The following PSMA8 variants were observed in gnomAD, a reference collection of about 807,000 sequenced individuals.
PSMA8 encodes proteasome 20S subunit alpha 8.
In PSMA8, 18 loss-of-function variants were observed where a neutral mutation model predicts 32.4. The ratio of observed to expected loss-of-function variants is 0.56; its 90% CI spans 0.38 to 0.82. PSMA8 has a LOEUF of 0.82. Among genes scored for constraint, PSMA8 ranks in the 40% least tolerant of loss-of-function variants. The probability of loss-of-function intolerance (pLI) is 0.00; values close to 1 mark genes in which losing one functional copy is unlikely to be tolerated. For missense variants in PSMA8, 298 were observed against 300.7 expected, an observed-to-expected ratio of 0.99 and a Z score of 0.07; for synonymous variants, 104 against 98.1, an observed-to-expected ratio of 1.06 and a Z score of -0.36.
chr18:26,145,978 T>C (rs1383362022), intron 2 of PSMA8, among the ~76,000 whole-genome samples: 2 of 152,218 alleles, frequency 1.3e-5, no homozygotes, highest in African/African-American at 4.8e-5. Context: ...TAGCAATATA[T>C]GAGTGATTCA....
chr18:26,172,361 T>C (rs1221767292), intron 4 of PSMA8, among the ~76,000 whole-genome samples: 1 of 152,176 alleles, frequency 6.6e-6, no homozygotes, highest in African/African-American at 2.4e-5. Flanking sequence ...AACTTTACCA[T>C]AGTAGCATAA....
At chr18:26,171,303 C>G in intron 4 of PSMA8, 3 of 1,508,272 alleles carry the variant, frequency 2.0e-6, no homozygotes, top group Non-Finnish European at 2.6e-6. Flanking sequence ...AGCGGGAGGA[C>G]CTCCGAGCCC....
chr18:26,163,999 A>G (rs978744102), intron 4 of PSMA8, among the ~76,000 whole-genome samples: 11 of 152,238 alleles, frequency 7.2e-5, no homozygotes, highest in African/African-American at 2.7e-4. Context: ...ATCCCAAGTG[A>G]AAACAGTGTT....
chr18:26,186,248 C>CAAAAAAAAAAAAAAAA, intron 6 of PSMA8, among the ~76,000 whole-genome samples: 1 of 27,828 alleles, frequency 3.6e-5, no homozygotes, highest in Non-Finnish European at 1.1e-4. Flanking sequence ...GACTCTGTCT[C>CAAAAAAAAAAAAAAAA]AAAAAAAAAA....
At chr18:26,154,050 T>C (rs773819714) in intron 3 of PSMA8, among the ~76,000 whole-genome samples, 7 of 152,106 alleles carry the variant, frequency 4.6e-5, no homozygotes, top group Non-Finnish European at 7.4e-5. Context: ...TACCGGCACA[T>C]GCCACCACAC....
In PSMA8 at chr18:26,178,812, T is replaced by TA; in HGVS notation, c.478-16dup. On this transcript the variant is annotated splice_polypyrimidine_tract_variant and intron_variant, in intron 4 of 6. Coordinates refer to ENST00000415576, the MANE Select transcript of PSMA8 (RefSeq NM_001025096.2). The stretch of plus-strand genomic sequence containing the variant: ...TCCTACTGCAATGATATTAATAAAT[T>TA]AACTTTTATTTTTCAAGGCAAATGC... 6.2e-7 allele frequency: 1 copy of TA among 1,600,922 alleles called. No homozygotes were observed. The highest frequency in any genetic ancestry group is 2.2e-5 in the East Asian group (1 of 44,754).
At chr18:26,158,574 C>G (rs935731634) in intron 4 of PSMA8, among the ~76,000 whole-genome samples, 1 of 152,144 alleles carries the variant, frequency 6.6e-6, no homozygotes, top group Non-Finnish European at 1.5e-5. Context: ...AGTCCTTCTT[C>G]TTTTAACAAA....
At chr18:26,182,176 A>G (rs1431913829) in intron 6 of PSMA8, among the ~76,000 whole-genome samples, 1 of 152,240 alleles carries the variant, frequency 6.6e-6, no homozygotes, top group Non-Finnish European at 1.5e-5. Context: ...TGAAGCAGCA[A>G]GTACTGATGG....
intron 6 of PSMA8, among the ~76,000 whole-genome samples, chr18:26,185,241 A>G (rs1408068474): frequency 1.3e-5 from 2 of 150,680 alleles, no homozygotes; most frequent in Admixed American, 1.3e-4. Context: ...TTTTGTCTAT[A>G]AGTTAAAACA....
intron 1 of PSMA8, among the ~76,000 whole-genome samples, chr18:26,144,338 T>A (rs908367340): frequency 3.3e-5 from 5 of 152,156 alleles, no homozygotes; most frequent in Admixed American, 6.5e-5. Flanking sequence ...ATTGGTGGTA[T>A]TTTCTTTGCA....
intron 4 of PSMA8, among the ~76,000 whole-genome samples, chr18:26,159,434 A>G (rs1445759993): frequency 6.6e-6 from 1 of 151,986 alleles, no homozygotes; most frequent in African/African-American, 2.4e-5. Flanking sequence ...ATATCAGACC[A>G]TTTTTTCCTG....
chr18:26,146,846 A>G (rs780472799), intron 2 of PSMA8, among the ~76,000 whole-genome samples: 4 of 152,176 alleles, frequency 2.6e-5, no homozygotes, highest in Non-Finnish European at 5.9e-5. Flanking sequence ...GGTAACTTAT[A>G]AAGAAAAGAT....
intron 2 of PSMA8, among the ~76,000 whole-genome samples, chr18:26,146,900 C>A (rs12956263): frequency 0.052 from 7,908 of 152,194 alleles, 229 homozygotes; most frequent in East Asian, 0.12. Flanking sequence ...GGAAGCATAG[C>A]AGCTTCTGCT....
At chr18:26,186,451 A>G (rs2055355494) in intron 6 of PSMA8, among the ~76,000 whole-genome samples, 1 of 152,004 alleles carries the variant, frequency 6.6e-6, no homozygotes, top group African/African-American at 2.4e-5. Flanking sequence ...GATATAAGAA[A>G]TTTACTGAGT....
chr18:26,171,295 C>T, intron 4 of PSMA8: 4 of 1,571,066 alleles, frequency 2.5e-6, no homozygotes, highest in South Asian at 1.1e-5. Context: ...ATGACAGCAG[C>T]GGGAGGACCT....
At chr18:26,143,123 CAAAT>C (rs992810637) in intron 1 of PSMA8, among the ~76,000 whole-genome samples, 2 of 152,090 alleles carry the variant, frequency 1.3e-5, no homozygotes, top group Non-Finnish European at 2.9e-5. Flanking sequence ...AGCAGATTCT[CAAAT>C]AACATTGTTT....
In PSMA8 at chr18:26,166,963, C is replaced by T. The variant is rs77623474; in HGVS notation, c.477+8719C>T. Among the ~76,000 whole-genome samples the T allele has an allele frequency of 1.2e-3, 180 of 152,282 alleles. 1 individual carries two copies. Among genetic ancestry groups the T allele is most frequent in the African/African-American group, 4.0e-3 (168 of 41,564 alleles). On this transcript the variant is annotated intron_variant, in intron 4 of 6. Coordinates refer to ENST00000415576, the MANE Select transcript of PSMA8 (RefSeq NM_001025096.2). ...TCACATGGGTCAACATTTAGAAGAT[C>T]TGCATAATTCAGTAAACCAGTTTTC... is the stretch of plus-strand genomic sequence containing the variant.
At chr18:26,155,931 A>G (rs2055085314) in intron 3 of PSMA8, among the ~76,000 whole-genome samples, 1 of 152,242 alleles carries the variant, frequency 6.6e-6, no homozygotes, top group African/African-American at 2.4e-5. Context: ...TCTGGAATGT[A>G]CGAGGAACTC....
At position 26,185,390 on chromosome 18, in the gene PSMA8, C is replaced by T. The variant is rs1229627726; in HGVS notation, c.660+6260C>T. On this transcript the variant is annotated intron_variant, in intron 6 of 6. Transcript: ENST00000415576. ...TATCTAGATTTTTCCTGTCCCTCCA[C>T]TCTGCAACTTTGAATATTGGCTTCA... 1.3e-5 allele frequency among the ~76,000 whole-genome samples: 2 copies of T among 150,786 alleles called. 1 individual carries two copies. The highest frequency in any genetic ancestry group is 3.0e-5 in the Non-Finnish European group (2 of 67,780).
Sources: allele counts gnomAD v4.1 joint callset (sites outside exome capture counted in the v4.1 genomes callset), GRCh38; gene constraint gnomAD v4.1.1; transcripts MANE v1.5; gene names NCBI Gene and HGNC (gene_info 2026-07-23, HGNC 2026-07-21).